Variants in FHIT observed in about 807,000 individuals in gnomAD.
FHIT encodes the protein bis(5'-adenosyl)-triphosphatase.
FHIT carries 19 observed loss-of-function variants against 17.9 expected under a neutral mutation model. That is an observed-to-expected ratio of 1.06 (90% CI 0.74 to 1.56). FHIT has a LOEUF of 1.56. Ranked by LOEUF, FHIT falls within the 40% of genes most tolerant of loss-of-function variation. The pLI, the probability that FHIT is intolerant of heterozygous loss-of-function variation, is 0.00. For missense variants in FHIT, 248 were observed against 189.2 expected, an observed-to-expected ratio of 1.31 and a Z score of -1.82; for synonymous variants, 81 against 69.7, an observed-to-expected ratio of 1.16 and a Z score of -0.81.
chr3:59,800,048 C>T (rs966184212), intron 8 of FHIT, among the ~76,000 whole-genome samples: 8 of 152,304 alleles, frequency 5.3e-5, no homozygotes, highest in South Asian at 2.1e-4. Context: ...TTCAGGAATA[C>T]AAAAATTGTT....
intron 5 of FHIT, among the ~76,000 whole-genome samples, chr3:60,305,720 T>C (rs72875006): frequency 7.9e-5 from 12 of 152,240 alleles, no homozygotes; most frequent in African/African-American, 2.9e-4. Flanking sequence ...TAATGGTGCT[T>C]TTACATTCTC....
chr3:61,057,153 T>C (rs891571179), intron 2 of FHIT, among the ~76,000 whole-genome samples: 2 of 152,260 alleles, frequency 1.3e-5, no homozygotes, highest in Non-Finnish European at 2.9e-5. Context: ...TTTAAACAAA[T>C]AATATCATTC....
intron 5 of FHIT, among the ~76,000 whole-genome samples, chr3:60,411,704 C>T (rs1034324335): frequency 6.6e-6 from 1 of 152,148 alleles, no homozygotes; most frequent in Admixed American, 6.5e-5. Context: ...AAAAAGTGTG[C>T]CAGATGGTTG....
Position 61,156,926 on chromosome 3 carries a change from G to A in FHIT, c.-164+43691C>T, listed in dbSNP as rs139131617. On this transcript the variant is annotated intron_variant, in intron 2 of 9. Transcript: ENST00000492590. ...TTCTCCTGCAAATACAGACTCTTGA[G>A]ATGATTCTTACATGCCTACTAAAGT... Among the ~76,000 whole-genome samples, 792 of 152,260 alleles carry A rather than the reference G, an allele frequency of 5.2e-3. 6 individuals carry two copies. The highest frequency in any genetic ancestry group is 0.018 in the African/African-American group (763 of 41,552).
intron 4 of FHIT, among the ~76,000 whole-genome samples, chr3:60,764,108 G>A (rs1034812168): frequency 2.6e-5 from 4 of 152,020 alleles, no homozygotes; most frequent in Non-Finnish European, 4.4e-5. Context: ...AAAGCCTAAC[G>A]CCTGACATCC....
chr3:60,842,626 A>ATAT (rs1702767881), intron 3 of FHIT, among the ~76,000 whole-genome samples: 7 of 79,614 alleles, frequency 8.8e-5, no homozygotes, highest in African/African-American at 3.1e-4. Context: ...TATATATATG[A>ATAT]GTGTATATAT....
chr3:60,169,547 C>G (rs1701325666), intron 5 of FHIT, among the ~76,000 whole-genome samples: 2 of 152,172 alleles, frequency 1.3e-5, no homozygotes, highest in Admixed American at 1.3e-4. Flanking sequence ...CTTTGCAACT[C>G]CATAGAGAAA....
At chr3:59,894,259 C>G (rs1703972679) in intron 8 of FHIT, among the ~76,000 whole-genome samples, 2 of 152,112 alleles carry the variant, frequency 1.3e-5, no homozygotes, top group East Asian at 3.8e-4. Context: ...AACAAACAAA[C>G]AAAATGATCA....
intron 5 of FHIT, among the ~76,000 whole-genome samples, chr3:60,280,662 C>G (rs560311462): frequency 2.6e-5 from 4 of 152,096 alleles, no homozygotes; most frequent in Non-Finnish European, 5.9e-5. Flanking sequence ...TACGGCCCTG[C>G]TGACACCTAG....
chr3:60,072,232 G>A (rs187494926), intron 5 of FHIT, among the ~76,000 whole-genome samples: 80 of 152,236 alleles, frequency 5.3e-4, no homozygotes, highest in African/African-American at 1.9e-3. Context: ...AAGTGGCTTC[G>A]GATACATTAA....
chr3:61,234,756 C>G (rs192569015), intron 1 of FHIT, among the ~76,000 whole-genome samples: 8 of 152,216 alleles, frequency 5.3e-5, no homozygotes, highest in African/African-American at 1.7e-4. Context: ...GCCCTCCGAC[C>G]AAGATGTTCA....
chr3:60,520,697 T>C (rs1406665840), intron 5 of FHIT, among the ~76,000 whole-genome samples: 1 of 152,024 alleles, frequency 6.6e-6, no homozygotes, highest in Non-Finnish European at 1.5e-5. Context: ...TAACATGGTG[T>C]TAGAGGGTCA....
chr3:60,724,927 G>T (rs2041887416), intron 4 of FHIT, among the ~76,000 whole-genome samples: 2 of 152,048 alleles, frequency 1.3e-5, no homozygotes, highest in Admixed American at 1.3e-4. Flanking sequence ...GGGATTACAG[G>T]CATGAGCCAA....
intron 3 of FHIT, among the ~76,000 whole-genome samples, chr3:60,855,429 C>T (rs1703341095): frequency 6.6e-6 from 1 of 152,066 alleles, no homozygotes. Flanking sequence ...CATGTTAACG[C>T]TTTGTGCTTA....
Position 60,971,740 on chromosome 3 carries a change from T to C in FHIT, c.-111+70307A>G, listed in dbSNP as rs139064073. 4.1e-4 allele frequency among the ~76,000 whole-genome samples: 63 copies of C among 152,344 alleles called. 1 individual carries two copies. The highest frequency in any genetic ancestry group is 1.3e-3 in the African/African-American group (55 of 41,592). The stretch of plus-strand genomic sequence containing the variant: ...AGATTACCTCATGGCTAGTGGTTTA[T>C]GTTCTTTTCTCTTTTCCCATAAATA... On this transcript the variant is annotated intron_variant, in intron 3 of 9. Coordinates refer to ENST00000492590, the MANE Select transcript of FHIT (RefSeq NM_002012.4).
intron 4 of FHIT, among the ~76,000 whole-genome samples, chr3:60,597,576 G>C (rs1238423514): frequency 6.6e-6 from 1 of 152,096 alleles, no homozygotes; most frequent in Non-Finnish European, 1.5e-5. Flanking sequence ...AAAAGCTCTA[G>C]TTCAGTCTCT....
chr3:60,010,868 G>C (rs1035315826), intron 7 of FHIT, among the ~76,000 whole-genome samples: 9 of 152,160 alleles, frequency 5.9e-5, no homozygotes, highest in Non-Finnish European at 1.2e-4. Flanking sequence ...GAGTAGGTGT[G>C]GGGGTGACGA....
chr3:60,672,370 A>C (rs1435274074), intron 4 of FHIT, among the ~76,000 whole-genome samples: 4 of 150,750 alleles, frequency 2.7e-5, no homozygotes, highest in African/African-American at 7.4e-5. Context: ...ATTACAGTCA[A>C]AGGGGGTTTG....
chr3:59,858,406 T>C (rs1702267709), intron 8 of FHIT, among the ~76,000 whole-genome samples: 1 of 151,948 alleles, frequency 6.6e-6, no homozygotes, highest in South Asian at 2.1e-4. Context: ...TTTTGTATTT[T>C]TAGTATAGAC....
Sources: gnomAD v4.1 joint callset for allele counts (sites outside exome capture counted in the v4.1 genomes callset) on GRCh38, gnomAD v4.1.1 for gene constraint, MANE v1.5 for transcripts, NCBI Gene and HGNC (gene_info 2026-07-23, HGNC 2026-07-21) for gene names.